SCFD2: variants seen among roughly 807,000 people sequenced by gnomAD.
The protein encoded by SCFD2 is sec1 family domain-containing protein 2.
SCFD2 carries 54 observed loss-of-function variants against 58.9 expected under a neutral mutation model. That is an observed-to-expected ratio of 0.92 (90% CI 0.74 to 1.15). The LOEUF (loss-of-function observed/expected upper bound fraction) is 1.15, where lower values mean the gene tolerates loss of function less well. SCFD2 is among the 50% of genes most tolerant of loss of function. The pLI, the probability that SCFD2 is intolerant of heterozygous loss-of-function variation, is 0.00. For synonymous variants in SCFD2, 321 were observed against 335.9 expected (o/e 0.96, Z 0.49); for missense variants, 805 against 836.6 (o/e 0.96, Z 0.47).
At chr4:53,360,720 G>T (rs531975744) in intron 1 of SCFD2, among the ~76,000 whole-genome samples, 1 of 152,264 alleles carries the variant, frequency 6.6e-6, no homozygotes, top group East Asian at 1.9e-4. Context: ...AAATGTTTTT[G>T]AATTTAATTA....
chr4:53,200,826 T>C (rs1438949508), intron 4 of SCFD2, among the ~76,000 whole-genome samples: 3 of 152,242 alleles, frequency 2.0e-5, no homozygotes, highest in Admixed American at 6.5e-5. Flanking sequence ...CATATACACA[T>C]GCATTCAATG....
intron 4 of SCFD2, among the ~76,000 whole-genome samples, chr4:53,245,321 C>T (rs952111722): frequency 6.6e-5 from 10 of 152,202 alleles, no homozygotes; most frequent in Admixed American, 1.3e-4. Flanking sequence ...AAACTTCAGG[C>T]CAATATCCTT....
chr4:53,344,393 G>T (rs921060004), intron 2 of SCFD2, among the ~76,000 whole-genome samples: 21 of 152,040 alleles, frequency 1.4e-4, no homozygotes, highest in Admixed American at 4.6e-4. Context: ...AACTTACAAG[G>T]GATGTGAAGG....
At chr4:53,316,123 A>G (rs554973874) in intron 2 of SCFD2, among the ~76,000 whole-genome samples, 7 of 152,330 alleles carry the variant, frequency 4.6e-5, no homozygotes, top group African/African-American at 1.4e-4. Flanking sequence ...GACATTGCCT[A>G]TCACAGCATC....
intron 6 of SCFD2, among the ~76,000 whole-genome samples, chr4:52,920,091 T>G (rs1242878069): frequency 1.3e-5 from 2 of 152,326 alleles, no homozygotes; most frequent in African/African-American, 4.8e-5. Context: ...CCTCAGTGGC[T>G]CTAACCTTTC....
intron 5 of SCFD2, among the ~76,000 whole-genome samples, chr4:53,102,862 A>G (rs1041894407): frequency 2.0e-5 from 3 of 146,940 alleles, no homozygotes; most frequent in African/African-American, 7.3e-5. Flanking sequence ...GACAAATGTA[A>G]AACAATAAGG....
At chr4:53,243,997 GAA>G (rs1293436897) in intron 4 of SCFD2, among the ~76,000 whole-genome samples, 2 of 151,896 alleles carry the variant, frequency 1.3e-5, no homozygotes, top group Non-Finnish European at 2.9e-5. Flanking sequence ...GGACATAATA[GAA>G]AATACATTAT....
rs530066903 is a variant in SCFD2 at position 53,234,615 on chromosome 4, T to C, written c.1311+39211A>G. ...TTTTGATACATTTCTTTGGAAAATTTAAAAATTTTAAAAATTTAGGTTTGC... is the reference window on the plus strand; with the variant it reads ...TTTTGATACATTTCTTTGGAAAATTCAAAAATTTTAAAAATTTAGGTTTGC... On this transcript the variant is annotated intron_variant, in intron 4 of 8. Coordinates refer to ENST00000401642, the MANE Select transcript of SCFD2 (RefSeq NM_152540.4). 2.6e-5 allele frequency among the ~76,000 whole-genome samples: 4 copies of C among 152,326 alleles called. No homozygotes were observed. The East Asian group carries it at 5.8e-4, about 22-fold the overall frequency.
chr4:52,947,261 C>T (rs1269372476), intron 5 of SCFD2, among the ~76,000 whole-genome samples: 1 of 152,184 alleles, frequency 6.6e-6, no homozygotes, highest in Non-Finnish European at 1.5e-5. Context: ...CACGGGGAAA[C>T]TGACAGACAG....
At position 53,183,499 on chromosome 4, in the gene SCFD2, G is replaced by A. The variant is rs185636582; in HGVS notation, c.1312-37917C>T. ...AGGGGAACATCACACACCAGGGACT[G>A]TTGTGGGGTGGGGGAGTGGGGAGGG... On this transcript the variant is annotated intron_variant, in intron 4 of 8. Coordinates refer to ENST00000401642, the MANE Select transcript of SCFD2 (RefSeq NM_152540.4). 2.2e-4 allele frequency among the ~76,000 whole-genome samples: 33 copies of A among 152,198 alleles called. No individual in the cohort carries two copies. In the East Asian group the frequency reaches 5.6e-3, roughly 26 times the overall value.
At chr4:52,951,098 T>C (rs1720581543) in intron 5 of SCFD2, 1 of 152,204 alleles carries the variant, frequency 6.6e-6, no homozygotes, top group Admixed American at 6.5e-5. Flanking sequence ...AATCAACCCA[T>C]AATAGATGTG....
chr4:52,947,844 G>C (rs1296632142), intron 5 of SCFD2, among the ~76,000 whole-genome samples: 1 of 150,968 alleles, frequency 6.6e-6, no homozygotes, highest in African/African-American at 2.4e-5. Flanking sequence ...AGAGTGAAAA[G>C]CTAAGCCTTA....
intron 4 of SCFD2, among the ~76,000 whole-genome samples, chr4:53,266,294 A>G (rs760480566): frequency 3.1e-4 from 47 of 152,362 alleles, no homozygotes; most frequent in Non-Finnish European, 3.2e-4. Context: ...CCCAGCTGAA[A>G]GAATAAATAA....
intron 4 of SCFD2, among the ~76,000 whole-genome samples, chr4:53,238,806 G>C (rs1279854291): frequency 6.6e-6 from 1 of 151,048 alleles, no homozygotes; most frequent in East Asian, 2.0e-4. Flanking sequence ...ATGTGATGGC[G>C]GCCGGGCAGA....
At chr4:53,260,229 T>C (rs1730788702) in intron 4 of SCFD2, among the ~76,000 whole-genome samples, 1 of 152,134 alleles carries the variant, frequency 6.6e-6, no homozygotes, top group Non-Finnish European at 1.5e-5. Flanking sequence ...TTTCCTTTTC[T>C]TGGCTGAGTG....
At chr4:53,017,641 G>T (rs532135168) in intron 5 of SCFD2, among the ~76,000 whole-genome samples, 45 of 152,224 alleles carry the variant, frequency 3.0e-4, no homozygotes, top group South Asian at 1.5e-3. Flanking sequence ...TGACCAATTT[G>T]TTGTAGTATA....
At chr4:52,951,821 A>C (rs1296909948) in intron 5 of SCFD2, among the ~76,000 whole-genome samples, 1 of 152,226 alleles carries the variant, frequency 6.6e-6, no homozygotes, top group Non-Finnish European at 1.5e-5. Context: ...TCACTGAGCC[A>C]TATTGAACAT....
chr4:53,317,014 G>C (rs1732885080), intron 2 of SCFD2, among the ~76,000 whole-genome samples: 1 of 151,750 alleles, frequency 6.6e-6, no homozygotes, highest in Non-Finnish European at 1.5e-5. Context: ...GGTTGAGGCA[G>C]GAGAATCGTT....
chr4:53,267,202 C>G (rs1190358317), intron 4 of SCFD2, among the ~76,000 whole-genome samples: 3 of 151,966 alleles, frequency 2.0e-5, no homozygotes, highest in African/African-American at 7.3e-5. Context: ...ATGAGTCTCC[C>G]AAGACATAAA....
Sources: allele counts gnomAD v4.1 joint callset (sites outside exome capture counted in the v4.1 genomes callset), GRCh38; gene constraint gnomAD v4.1.1; transcripts MANE v1.5; gene names NCBI Gene and HGNC (gene_info 2026-07-23, HGNC 2026-07-21).